The following GALNT13 variants were observed in gnomAD, a reference collection of about 807,000 sequenced individuals.
GALNT13 encodes the protein UDP-GalNAc:polypeptide N-acetylgalactosaminyltransferase 13.
In GALNT13, 28 loss-of-function variants were observed where a neutral mutation model predicts 64.2. The observed-to-expected ratio is 0.44, with a 90% CI of 0.32 to 0.60. GALNT13 has a LOEUF of 0.60. GALNT13 is among the 20% of genes least tolerant of loss of function. GALNT13 has a pLI of 0.05. For missense variants in GALNT13, 577 were observed against 669.8 expected (o/e 0.86, Z 1.53); for synonymous variants, 214 against 224.6 (o/e 0.95, Z 0.42).
At chr2:154,319,320 C>A (rs917055307) in intron 9 of GALNT13, among the ~76,000 whole-genome samples, 1 of 152,124 alleles carries the variant, frequency 6.6e-6, no homozygotes, top group East Asian at 1.9e-4. Context: ...AATTACTGAA[C>A]AATTCTATAG....
At chr2:154,101,897 A>G (rs906642638) in intron 3 of GALNT13, among the ~76,000 whole-genome samples, 14 of 152,000 alleles carry the variant, frequency 9.2e-5, no homozygotes, top group Non-Finnish European at 1.8e-4. Flanking sequence ...TTCCTTGTTC[A>G]CCCAAAAGTA....
At chr2:154,133,511 T>C (rs1682747309) in intron 3 of GALNT13, among the ~76,000 whole-genome samples, 1 of 135,452 alleles carries the variant, frequency 7.4e-6, no homozygotes, top group African/African-American at 2.6e-5. Flanking sequence ...TCTAACTTTT[T>C]TTCAGTAACA....
the GALNT13 span, among the ~76,000 whole-genome samples, chr2:153,101,574 T>C: frequency 2.6e-5 from 4 of 152,242 alleles, no homozygotes; most frequent in Non-Finnish European, 5.9e-5. Flanking sequence ...TTTTGTTTTT[T>C]AGTCTACAGG....
At chr2:153,433,767 G>A in the GALNT13 span, among the ~76,000 whole-genome samples, 1 of 151,902 alleles carries the variant, frequency 6.6e-6, no homozygotes. Flanking sequence ...CATTAAATCC[G>A]AACATATATT....
At chr2:154,323,856 T>C (rs553757455) in intron 9 of GALNT13, among the ~76,000 whole-genome samples, 89 of 152,248 alleles carry the variant, frequency 5.8e-4, no homozygotes, top group African/African-American at 2.1e-3. Flanking sequence ...GGAGGATTTC[T>C]TTCTATGAGC....
the GALNT13 span, among the ~76,000 whole-genome samples, chr2:153,630,417 A>G: frequency 1.4e-5 from 2 of 144,230 alleles, no homozygotes; most frequent in African/African-American, 5.1e-5. Context: ...CAAACACCGC[A>G]TGTTCTCACT....
the GALNT13 span, among the ~76,000 whole-genome samples, chr2:153,301,585 G>A: frequency 0.046 from 6,933 of 151,922 alleles, 536 homozygotes; most frequent in African/African-American, 0.16. Context: ...TTAAGAATAC[G>A]ATATGTACAT....
the GALNT13 span, among the ~76,000 whole-genome samples, chr2:153,628,876 G>A: frequency 6.6e-6 from 1 of 152,104 alleles, no homozygotes; most frequent in Non-Finnish European, 1.5e-5. Context: ...GAGTTAGGGA[G>A]GATTCCTTCT....
At chr2:154,167,089 C>A (rs186524569) in intron 4 of GALNT13, among the ~76,000 whole-genome samples, 64 of 151,850 alleles carry the variant, frequency 4.2e-4, no homozygotes, top group African/African-American at 1.4e-3. Context: ...AACAAACCTG[C>A]AAGTTGTGCA....
chr2:154,390,782 T>C (rs62172315), intron 9 of GALNT13, among the ~76,000 whole-genome samples: 12,553 of 152,284 alleles, frequency 0.082, 695 homozygotes, highest in African/African-American at 0.14. Flanking sequence ...CTTTATTTCA[T>C]TGTCAAAGCC....
At chr2:153,617,687 CT>C in the GALNT13 span, among the ~76,000 whole-genome samples, 3 of 149,918 alleles carry the variant, frequency 2.0e-5, no homozygotes, top group East Asian at 1.9e-4. Context: ...GGGTCCCAGG[CT>C]TTTTTTTTAC....
the GALNT13 span, among the ~76,000 whole-genome samples, chr2:153,735,677 G>A: frequency 6.6e-6 from 1 of 152,162 alleles, no homozygotes; most frequent in Non-Finnish European, 1.5e-5. Flanking sequence ...CTTCAATCTA[G>A]AAGGTATTCC....
chr2:153,090,895 G>C, the GALNT13 span, among the ~76,000 whole-genome samples: 174 of 152,256 alleles, frequency 1.1e-3, no homozygotes, highest in Non-Finnish European at 1.9e-3. Flanking sequence ...CCAGGAAAGT[G>C]GGGGATAGCT....
the GALNT13 span, among the ~76,000 whole-genome samples, chr2:153,865,501 G>A: frequency 1.1e-3 from 143 of 129,212 alleles, no homozygotes; most frequent in African/African-American, 4.0e-3. Flanking sequence ...CTGGGCGAAG[G>A]ACATGAACAG....
chr2:154,019,227 G>A (rs1293841382), intron 3 of GALNT13, among the ~76,000 whole-genome samples: 1 of 152,008 alleles, frequency 6.6e-6, no homozygotes, highest in African/African-American at 2.4e-5. Context: ...TTAAATCAAA[G>A]CTTACTAATA....
chr2:153,913,410 C>T (rs1199882120), intron 2 of GALNT13, among the ~76,000 whole-genome samples: 3 of 152,106 alleles, frequency 2.0e-5, no homozygotes, highest in Non-Finnish European at 4.4e-5. Context: ...GTCTCATGGG[C>T]AAAACAGCCC....
intron 12 of GALNT13, chr2:154,441,614 A>G (rs1249990930): frequency 6.6e-6 from 1 of 152,134 alleles, no homozygotes; most frequent in Non-Finnish European, 1.5e-5. Context: ...CAAGCTAGCT[A>G]TCAGTACAAT....
chr2:153,134,550 G>T, the GALNT13 span, among the ~76,000 whole-genome samples: 1 of 152,082 alleles, frequency 6.6e-6, no homozygotes, highest in Non-Finnish European at 1.5e-5. Flanking sequence ...AGCAAAAATA[G>T]CCTTGGGCAA....
the GALNT13 span, among the ~76,000 whole-genome samples, chr2:153,172,988 C>G: frequency 6.6e-6 from 1 of 151,966 alleles, no homozygotes; most frequent in Non-Finnish European, 1.5e-5. Context: ...ATATCTCCTC[C>G]AGGGAATGAG....
Sources: allele counts gnomAD v4.1 joint callset (sites outside exome capture counted in the v4.1 genomes callset), GRCh38; gene constraint gnomAD v4.1.1; transcripts MANE v1.5; gene names NCBI Gene and HGNC (gene_info 2026-07-23, HGNC 2026-07-21).